Variants in ARL15 observed in about 807,000 individuals in gnomAD.
ARL15 encodes ARF like GTPase 15.
ARL15 carries 19 observed loss-of-function variants against 25.2 expected under a neutral mutation model. The ratio of observed to expected loss-of-function variants is 0.75; its 90% CI spans 0.53 to 1.10. The LOEUF (loss-of-function observed/expected upper bound fraction) is 1.10, where lower values mean the gene tolerates loss of function less well. Ranked by LOEUF, ARL15 falls within the 50% of genes least tolerant of loss-of-function variation. ARL15 has a pLI of 0.00. For synonymous variants in ARL15, 94 were observed against 86.8 expected, an observed-to-expected ratio of 1.08 and a Z score of -0.46; for missense variants, 220 against 246.0, an observed-to-expected ratio of 0.89 and a Z score of 0.71.
intron 4 of ARL15, among the ~76,000 whole-genome samples, chr5:54,009,083 G>C (rs1412336508): frequency 6.6e-6 from 1 of 152,158 alleles, no homozygotes. Context: ...ATTAGAATTT[G>C]TGAAATATAA....
At chr5:53,963,641 C>G (rs1747442493) in intron 4 of ARL15, among the ~76,000 whole-genome samples, 1 of 152,052 alleles carries the variant, frequency 6.6e-6, no homozygotes, top group East Asian at 1.9e-4. Context: ...AACCCTGTCT[C>G]TACTAAAAAT....
At chr5:54,061,466 T>G (rs1164559401) in intron 4 of ARL15, among the ~76,000 whole-genome samples, 1 of 151,978 alleles carries the variant, frequency 6.6e-6, no homozygotes, top group Non-Finnish European at 1.5e-5. Flanking sequence ...CAAAACTACC[T>G]GGGCATGGTG....
At chr5:54,141,313 C>T (rs943320984) in intron 3 of ARL15, among the ~76,000 whole-genome samples, 3 of 151,842 alleles carry the variant, frequency 2.0e-5, no homozygotes, top group Admixed American at 1.3e-4. Flanking sequence ...CAGCTATATA[C>T]GATTACCTAG....
chr5:54,179,080 A>G (rs1209313791), intron 1 of ARL15, among the ~76,000 whole-genome samples: 1 of 152,226 alleles, frequency 6.6e-6, no homozygotes, highest in Non-Finnish European at 1.5e-5. Flanking sequence ...TAACTTGCCT[A>G]CGTGGAACAG....
chr5:54,304,974 C>A (rs989235118), intron 1 of ARL15, among the ~76,000 whole-genome samples: 1 of 152,016 alleles, frequency 6.6e-6, no homozygotes, highest in Non-Finnish European at 1.5e-5. Context: ...TGGGCTCTAC[C>A]CTTTGTAGCA....
chr5:53,946,362 A>T (rs568490298), intron 4 of ARL15, among the ~76,000 whole-genome samples: 1 of 150,300 alleles, frequency 6.7e-6, no homozygotes, highest in African/African-American at 2.4e-5. Flanking sequence ...AGGCAGGAGA[A>T]CTGCTTGTAC....
chr5:54,157,299 A>T (rs539589645), intron 2 of ARL15, among the ~76,000 whole-genome samples: 19 of 152,388 alleles, frequency 1.2e-4, no homozygotes, highest in South Asian at 1.0e-3. Context: ...TTAACCCAAC[A>T]GGCAGATTAT....
At chr5:54,186,498 A>C (rs1755244176) in intron 1 of ARL15, among the ~76,000 whole-genome samples, 1 of 152,230 alleles carries the variant, frequency 6.6e-6, no homozygotes, top group Non-Finnish European at 1.5e-5. Flanking sequence ...GACTACTGTC[A>C]AACTTCACGA....
chr5:54,310,259 TG>T, intron 1 of ARL15, 172 bp downstream of exon 1: 1 of 672,188 alleles, frequency 1.5e-6, no homozygotes, highest in Non-Finnish European at 2.4e-6. Context: ...CCACCCGCCC[TG>T]GAGGCTGCCC....
chr5:54,198,107 A>G (rs1755606802), intron 1 of ARL15, among the ~76,000 whole-genome samples: 1 of 152,230 alleles, frequency 6.6e-6, no homozygotes, highest in African/African-American at 2.4e-5. Context: ...CCTTCATGTT[A>G]AAAACTCTCA....
At chr5:54,155,917 G>A (rs1480274469) in intron 2 of ARL15, among the ~76,000 whole-genome samples, 2 of 152,064 alleles carry the variant, frequency 1.3e-5, no homozygotes, top group African/African-American at 4.8e-5. Flanking sequence ...AATAGTTTCT[G>A]AGCAACCATT....
chr5:53,987,724 G>C (rs1298516250), intron 4 of ARL15, among the ~76,000 whole-genome samples: 1 of 152,178 alleles, frequency 6.6e-6, no homozygotes, highest in Non-Finnish European at 1.5e-5. Context: ...GCCAAGGTGG[G>C]AGGATCACTT....
At chr5:54,305,860 A>G (rs1447166493) in intron 1 of ARL15, among the ~76,000 whole-genome samples, 2 of 152,214 alleles carry the variant, frequency 1.3e-5, no homozygotes, top group Admixed American at 6.5e-5. Context: ...GGTGGAGGCT[A>G]CTATAAACAA....
At chr5:53,949,752 T>C (rs1011897198) in intron 4 of ARL15, among the ~76,000 whole-genome samples, 1 of 152,192 alleles carries the variant, frequency 6.6e-6, no homozygotes, top group Admixed American at 6.5e-5. Flanking sequence ...TGACAGGAGA[T>C]TCTATCATAA....
intron 4 of ARL15, among the ~76,000 whole-genome samples, chr5:54,033,752 T>G (rs1049609591): frequency 1.3e-5 from 2 of 151,886 alleles, no homozygotes; most frequent in African/African-American, 4.8e-5. Context: ...ACCACAGAAA[T>G]AATAGTTTGA....
chr5:54,188,300 AG>A (rs1310871003), intron 1 of ARL15, among the ~76,000 whole-genome samples: 1 of 152,166 alleles, frequency 6.6e-6, no homozygotes, highest in African/African-American at 2.4e-5. Context: ...TGGGAGGGAA[AG>A]GATTAGGTAA....
intron 4 of ARL15, among the ~76,000 whole-genome samples, chr5:53,952,815 A>G (rs1747021788): frequency 6.6e-6 from 1 of 152,196 alleles, no homozygotes; most frequent in African/African-American, 2.4e-5. Context: ...AGGAGAAAGG[A>G]AAGTCTATAA....
intron 4 of ARL15, among the ~76,000 whole-genome samples, chr5:54,026,538 G>A (rs1749791891): frequency 6.6e-6 from 1 of 152,144 alleles, no homozygotes; most frequent in Non-Finnish European, 1.5e-5. Context: ...CCAAAGTACT[G>A]GAATTACAGG....
Position 54,201,158 on chromosome 5 carries a change from C to T in ARL15, c.49-29230G>A, listed in dbSNP as rs548971375. Among the ~76,000 whole-genome samples, 16 of 152,150 alleles carry T rather than the reference C, an allele frequency of 1.1e-4. No individual in the cohort carries two copies. The South Asian group carries it at 2.3e-3, about 22-fold the overall frequency. On this transcript the variant is annotated intron_variant, in intron 1 of 4. Transcript: ENST00000504924. Reference sequence around the variant, plus strand: ...AGAGAAGACCAGAGCGCAATATCTCCGTGGCCTTAGTCCTGACTCTATAAT... The same window carrying T: ...AGAGAAGACCAGAGCGCAATATCTCTGTGGCCTTAGTCCTGACTCTATAAT...
Sources: allele counts gnomAD v4.1 joint callset (sites outside exome capture counted in the v4.1 genomes callset), GRCh38; gene constraint gnomAD v4.1.1; transcripts MANE v1.5; gene names NCBI Gene and HGNC (gene_info 2026-07-23, HGNC 2026-07-21).